Variants in TAS2R1 observed in about 807,000 individuals in gnomAD.
TAS2R1 encodes taste receptor type 2 member 1.
For synonymous variants in TAS2R1, 141 were observed against 134.2 expected (o/e 1.05, Z -0.35); for missense variants, 370 against 353.4 (o/e 1.05, Z -0.38).
intron 2 of TAS2R1, among the ~76,000 whole-genome samples, chr5:9,647,394 G>T (rs1740212427): frequency 6.6e-6 from 1 of 152,170 alleles, no homozygotes; most frequent in Non-Finnish European, 1.5e-5. Flanking sequence ...CACAGTGGCA[G>T]CTGTTATCAC....
chr5:9,901,673 A>G, the TAS2R1 span, among the ~76,000 whole-genome samples: 1 of 152,108 alleles, frequency 6.6e-6, no homozygotes, highest in African/African-American at 2.4e-5. Flanking sequence ...AAAGACAGAA[A>G]GTAAGGCACT....
intron 2 of TAS2R1, among the ~76,000 whole-genome samples, chr5:9,649,357 A>G (rs150620793): frequency 6.7e-4 from 102 of 152,348 alleles, no homozygotes; most frequent in Non-Finnish European, 1.4e-3. Flanking sequence ...GGCAAATGTT[A>G]TATAGACAAG....
chr5:9,677,546 A>T (rs1055476557), intron 1 of TAS2R1, among the ~76,000 whole-genome samples: 1 of 152,204 alleles, frequency 6.6e-6, no homozygotes, highest in African/African-American at 2.4e-5. Flanking sequence ...AGATTAGACA[A>T]ACCAAAGGCA....
intron 1 of TAS2R1, among the ~76,000 whole-genome samples, chr5:9,711,098 C>T (rs1462694307): frequency 2.0e-5 from 3 of 151,694 alleles, no homozygotes; most frequent in African/African-American, 7.3e-5. Flanking sequence ...ATGAAAAACA[C>T]TATGGAGATC....
the TAS2R1 span, among the ~76,000 whole-genome samples, chr5:9,738,756 A>T: frequency 2.0e-5 from 3 of 152,152 alleles, no homozygotes; most frequent in African/African-American, 7.2e-5. Context: ...GTAATGACTA[A>T]TAAACCCCAA....
At chr5:9,731,536 A>G in the TAS2R1 span, among the ~76,000 whole-genome samples, 2 of 152,158 alleles carry the variant, frequency 1.3e-5, no homozygotes, top group African/African-American at 4.8e-5. Flanking sequence ...CCATGCCTCC[A>G]ACATTCTACT....
chr5:9,739,019 C>A, the TAS2R1 span, among the ~76,000 whole-genome samples: 73 of 152,260 alleles, frequency 4.8e-4, no homozygotes, highest in Non-Finnish European at 5.6e-4. Context: ...AAATAAAAAA[C>A]CACATTTTCC....
At chr5:9,796,409 C>T in the TAS2R1 span, among the ~76,000 whole-genome samples, 1 of 152,072 alleles carries the variant, frequency 6.6e-6, no homozygotes, top group Non-Finnish European at 1.5e-5. Flanking sequence ...AGGGAGAGGA[C>T]AATTCAAGAG....
the TAS2R1 span, among the ~76,000 whole-genome samples, chr5:9,885,816 A>G: frequency 2.0e-5 from 3 of 152,180 alleles, no homozygotes; most frequent in Admixed American, 6.5e-5. Context: ...ATAAATGCAT[A>G]TAAAAATATA....
the TAS2R1 span, among the ~76,000 whole-genome samples, chr5:9,801,289 C>A: frequency 1.3e-5 from 2 of 152,206 alleles, no homozygotes; most frequent in Non-Finnish European, 2.9e-5. Flanking sequence ...CATGCTGGCA[C>A]CTTGATGCAA....
At chr5:9,784,234 T>A in the TAS2R1 span, among the ~76,000 whole-genome samples, 1 of 152,284 alleles carries the variant, frequency 6.6e-6, no homozygotes, top group South Asian at 2.1e-4. Context: ...CTCTGGGGTG[T>A]CCTGTGGAGA....
At chr5:9,829,205 T>C in the TAS2R1 span, among the ~76,000 whole-genome samples, 107 of 152,336 alleles carry the variant, frequency 7.0e-4, 1 homozygote, top group African/African-American at 2.5e-3. Flanking sequence ...GAGGCTAAAA[T>C]TTCTGCAAAA....
chr5:9,679,172 G>C (rs1235944258), intron 1 of TAS2R1, among the ~76,000 whole-genome samples: 1 of 152,178 alleles, frequency 6.6e-6, no homozygotes, highest in Admixed American at 6.5e-5. Context: ...TATAAGGATG[G>C]TAAAATTATC....
At chr5:9,757,967 T>C in the TAS2R1 span, among the ~76,000 whole-genome samples, 21 of 152,228 alleles carry the variant, frequency 1.4e-4, no homozygotes, top group African/African-American at 5.1e-4. Flanking sequence ...TTAATATCAA[T>C]AATTTTGAAA....
At chr5:9,720,258 C>T in the TAS2R1 span, among the ~76,000 whole-genome samples, 1 of 152,228 alleles carries the variant, frequency 6.6e-6, no homozygotes, top group Admixed American at 6.5e-5. Context: ...CACTTACTCT[C>T]GTGGATCTGC....
chr5:9,851,715 T>C, the TAS2R1 span, among the ~76,000 whole-genome samples: 1 of 152,160 alleles, frequency 6.6e-6, no homozygotes, highest in East Asian at 1.9e-4. Flanking sequence ...GGTGGCCCAG[T>C]TGCTGGACCA....
chr5:9,828,540 A>G, the TAS2R1 span, among the ~76,000 whole-genome samples: 1 of 152,214 alleles, frequency 6.6e-6, no homozygotes, highest in Non-Finnish European at 1.5e-5. Flanking sequence ...GGCTGTTAAT[A>G]AATGTTAGCT....
upstream of TAS2R1, among the ~76,000 whole-genome samples, chr5:9,632,282 C>T (rs375304957): frequency 9.2e-5 from 14 of 152,258 alleles, no homozygotes; most frequent in African/African-American, 2.9e-4. Flanking sequence ...ATTGAAAATA[C>T]TTTATTACCA....
At chr5:9,801,446 C>T in the TAS2R1 span, among the ~76,000 whole-genome samples, 1 of 152,224 alleles carries the variant, frequency 6.6e-6, no homozygotes, top group African/African-American at 2.4e-5. Context: ...CTCAGGTGGA[C>T]ACAGCAGTGT....
Sources: allele counts gnomAD v4.1 joint callset (sites outside exome capture counted in the v4.1 genomes callset), GRCh38; gene constraint gnomAD v4.1.1; transcripts MANE v1.5; gene names NCBI Gene and HGNC (gene_info 2026-07-23, HGNC 2026-07-21).